The following LRP3 variants were observed in gnomAD, a reference collection of about 807,000 sequenced individuals.
LRP3 encodes LDL receptor related protein 3.
Under a neutral mutation model 58.5 loss-of-function variants are expected in LRP3, and 49 were observed. That is an observed-to-expected ratio of 0.84 (90% CI 0.67 to 1.06). The LOEUF (loss-of-function observed/expected upper bound fraction) is 1.06, where lower values mean the gene tolerates loss of function less well. Among genes scored for constraint, LRP3 ranks in the 50% least tolerant of loss-of-function variants. LRP3 has a pLI of 0.00. For synonymous variants in LRP3, 485 were observed against 492.2 expected, an observed-to-expected ratio of 0.99 and a Z score of 0.20; for missense variants, 1,019 against 1,134.2, an observed-to-expected ratio of 0.90 and a Z score of 1.46.
chr19:33,196,704 T>A (rs1323164896), intron 1 of LRP3, 26 bp from the exon 2 acceptor site: 1 of 1,613,334 alleles, frequency 6.2e-7, no homozygotes, highest in Non-Finnish European at 8.5e-7. Context: ...GTGGGACCCC[T>A]GACCCTTTCT....
In LRP3 at chr19:33,206,258, G is replaced by T. The variant is rs1409362008; in HGVS notation, c.1488G>T (p.Lys496Asn). The change falls in exon 5 of 7, where the codon AAG (lysine) becomes AAT (asparagine). Residue 496 changes from lysine to asparagine, a missense_variant. By Grantham distance (94) the Lys-to-Asn change is moderately conservative. Coordinates refer to ENST00000253193, the MANE Select transcript of LRP3 (RefSeq NM_002333.4). ...EHGCLAAVPR[K>N]VITAALIGSL... is the part of the protein sequence containing the mutation. ...GGTGCCTGGCCGCCGTGCCCCGCAA[G>T]GTCATCACGGCGGCGCTCATTGGCA... The T allele has an allele frequency of 1.3e-6, 2 of 1,598,740 alleles. No individual in the cohort carries two copies. The highest frequency in any genetic ancestry group is 2.2e-5 in the East Asian group (1 of 44,472).
chr19:33,206,582 C>G lies in LRP3; in HGVS notation c.1593-19C>G. On this transcript the variant is annotated intron_variant, in intron 5 of 6. Coordinates refer to ENST00000253193, the MANE Select transcript of LRP3 (RefSeq NM_002333.4). ...TCCCGGGCAGCCCAGTCATGTCGCC[C>G]TCCGCCCACTGCTTCTAGGGCCTTC... 2 of 1,604,540 alleles carry G rather than the reference C, an allele frequency of 1.2e-6. No homozygotes were observed. The highest frequency in any genetic ancestry group is 8.5e-7 in the Non-Finnish European group (1 of 1,175,054).
At chr19:33,206,908 G>T (rs1362585765) in intron 6 of LRP3, 80 bp from the exon 7 acceptor site, 2 of 1,227,882 alleles carry the variant, frequency 1.6e-6, no homozygotes, top group South Asian at 1.6e-5. Context: ...TCCCTTGGGG[G>T]TGTGCTGTCT....
chr19:33,207,681 G>A lies in LRP3; in HGVS notation c.*106G>A. 1.1e-6 allele frequency: 1 copy of A among 912,330 alleles called. No homozygotes were observed. Among genetic ancestry groups the A allele is most frequent in the South Asian group, 1.6e-5 (1 of 63,864 alleles). 56.5% of individuals were successfully genotyped at this position (912,330 alleles called of 1,614,324 possible). A position where few individuals can be genotyped will look rare whatever the true frequency, so the allele number is the denominator to read the frequency against. ...CTTTCTTATGGAGAGGCCCTCCGGG[G>A]ACCCCAGCGGAGGGGCTGGCCCCTA... On this transcript the variant is annotated 3_prime_UTR_variant, in exon 7 of 7. Transcript: ENST00000253193.
At position 33,201,315 on chromosome 19, in the gene LRP3, G is replaced by A. The variant is rs143693698; in HGVS notation, c.122-1533G>A. 3.9e-4 allele frequency among the ~76,000 whole-genome samples: 60 copies of A among 152,302 alleles called. No individual in the cohort carries two copies. The East Asian group carries it at 4.5e-3, about 11-fold the overall frequency. On this transcript the variant is annotated intron_variant, in intron 2 of 6. Transcript: ENST00000253193. ...GCTAGGGGTGGAAGCTGAGGAGTCC[G>A]TGAATGGGATAAGAAGGTGGGGATA...
At position 33,202,867 on chromosome 19, in the gene LRP3, G is replaced by A. The variant is rs1474630430; in HGVS notation, c.141G>A (p.Leu47=). The stretch of plus-strand genomic sequence containing the variant: ...CGACAGCGGCCTGCAGTGGGAAGCT[G>A]GAGCAGCACACGGAGCGGCGTGGGG... The part of the protein sequence containing the change: ...VPALAACSGK[L]EQHTERRGVI... Residue 47 remains leucine, a synonymous_variant, in exon 3 of 7, where the codon CTG becomes CTA. Coordinates refer to ENST00000253193, the MANE Select transcript of LRP3 (RefSeq NM_002333.4). 6.2e-7 allele frequency: 1 copy of A among 1,610,714 alleles called. No homozygotes were observed. The highest frequency in any genetic ancestry group is 8.5e-7 in the Non-Finnish European group (1 of 1,178,586).
intron 2 of LRP3, among the ~76,000 whole-genome samples, chr19:33,197,301 G>A (rs1026087119): frequency 7.9e-5 from 12 of 152,154 alleles, no homozygotes; most frequent in African/African-American, 2.9e-4. Flanking sequence ...GAAGAAAGGT[G>A]TAAGTTAGAA....
At chr19:33,196,653 G>A (rs762831223) in intron 1 of LRP3, 77 bp from the exon 2 acceptor site, 14 of 1,347,174 alleles carry the variant, frequency 1.0e-5, no homozygotes, top group Non-Finnish European at 1.5e-5. Context: ...GGGTTTAGCT[G>A]TGGTGTCCCT....
At chr19:33,205,061 G>T (rs1974385342) in intron 4 of LRP3, 185 bp from the exon 5 acceptor site, 3 of 767,008 alleles carry the variant, frequency 3.9e-6, no homozygotes, top group Admixed American at 2.7e-5. Flanking sequence ...CCCAGTCTTG[G>T]CTAGTCCTGG....
Position 33,202,829 on chromosome 19 carries a change from C to T in LRP3, c.122-19C>T, listed in dbSNP as rs779951871. 11 of 1,594,214 alleles carry T rather than the reference C, an allele frequency of 6.9e-6. No homozygotes were observed. Among genetic ancestry groups the T allele is most frequent in the Middle Eastern group, 1.8e-4 (1 of 5,684 alleles). On this transcript the variant is annotated intron_variant, in intron 2 of 6. Transcript: ENST00000253193. ...CAACCAAAGATGGGCCGGCCTTTCT[C>T]GGCCTCCTCTCCCGACAGCGGCCTG...
At chr19:33,196,096 G>A (rs1974282627) in intron 1 of LRP3, among the ~76,000 whole-genome samples, 1 of 152,172 alleles carries the variant, frequency 6.6e-6, no homozygotes, top group African/African-American at 2.4e-5. Context: ...GGGTGGCTGG[G>A]GAGTTCTGCT....
chr19:33,207,450 G>C lies in LRP3; in HGVS notation c.2188G>C (p.Val730Leu), dbSNP rs1974436014. 6.3e-7 allele frequency: 1 copy of C among 1,598,620 alleles called. No homozygotes were observed. Among genetic ancestry groups the C allele is most frequent in the Non-Finnish European group, 8.5e-7 (1 of 1,176,740 alleles). The change falls in exon 7 of 7, where the codon GTC becomes CTC. Residue 730 changes from valine to leucine, a missense_variant. By Grantham distance (32) the Val-to-Leu change is conservative (BLOSUM62 1). This residue lies in a region of LRP3 where 427 missense variants were observed against 408.6 expected (regional missense o/e 1.04). Coordinates refer to ENST00000253193, the MANE Select transcript of LRP3 (RefSeq NM_002333.4). ...CTCAGCCCAGGACCCGCACCCCCAG[G>C]TCTCCACTGCCAGCAGCACCCTGGG... The part of the protein sequence containing the change: ...PCSAQDPHPQ[V>L]STASSTLGPH...
In LRP3 at chr19:33,205,315, C is replaced by A. The variant is rs199999241; in HGVS notation, c.545C>A (p.Pro182Gln). ...RCDNGKCLPGPWQCNTVDECG... is the reference protein window; with the variant it reads ...RCDNGKCLPGQWQCNTVDECG... ...GACAACGGCAAGTGCCTGCCCGGCC[C>A]GTGGCAGTGCAACACGGTGGACGAG... Residue 182 changes from proline (P) to glutamine (Q), a missense_variant, in exon 5 of 7, where the codon CCG becomes CAG. Pro to Gln is a moderately conservative substitution (Grantham distance 76, BLOSUM62 -1). Transcript: ENST00000253193. The A allele has an allele frequency of 3.7e-6, 6 of 1,612,026 alleles. No individual in the cohort carries two copies. The highest frequency in any genetic ancestry group is 2.5e-6 in the Non-Finnish European group (3 of 1,179,604).
chr19:33,206,903 TG>T, intron 6 of LRP3, 84 bp from the exon 7 acceptor site: 3 of 1,226,386 alleles, frequency 2.4e-6, no homozygotes. Context: ...TCAGGTCCCT[TG>T]GGGGTGTGCT....
Position 33,207,396 on chromosome 19 carries a change from G to T in LRP3, c.2134G>T (p.Ala712Ser). 1 of 1,587,220 alleles carries T rather than the reference G, an allele frequency of 6.3e-7. No homozygotes were observed. The highest frequency in any genetic ancestry group is 8.5e-7 in the Non-Finnish European group (1 of 1,172,216). Residue 712 changes from alanine to serine, a missense_variant, in exon 7 of 7, where the codon GCT (alanine) becomes TCT (serine). Ala to Ser is a moderately conservative substitution (Grantham distance 99, BLOSUM62 1). Transcript: ENST00000253193. ...CAGGGAGCCACTGGTAGACGGCCCA[G>T]CTCCTGCAGATGCACCTCGGGAGCC... The part of the protein sequence containing the change: ...VCREPLVDGP[A>S]PADAPREPCS...
chr19:33,205,898 G>A lies in LRP3; in HGVS notation c.1128G>A (p.Gly376=). 2 of 1,606,984 alleles carry A rather than the reference G, an allele frequency of 1.2e-6. No individual in the cohort carries two copies. Among genetic ancestry groups the A allele is most frequent in the East Asian group, 2.2e-5 (1 of 44,638 alleles). ...GCCTCCCCTGGGAGCAGCCGTGCGG[G>A]AGCAGTAGTGACAGTGACGGGGGCA... The part of the protein sequence containing the change: ...GYCLPWEQPC[G]SSSDSDGGSL... The change falls in exon 5 of 7, where the codon GGG becomes GGA. Residue 376 remains glycine (G), a synonymous_variant. Coordinates refer to ENST00000253193, the MANE Select transcript of LRP3 (RefSeq NM_002333.4).
chr19:33,206,590 A>C lies in LRP3; in HGVS notation c.1593-11A>C. 1 of 1,606,260 alleles carries C rather than the reference A, an allele frequency of 6.2e-7. No individual in the cohort carries two copies. Among genetic ancestry groups the C allele is most frequent in the Non-Finnish European group, 8.5e-7 (1 of 1,175,910 alleles). On this transcript the variant is annotated splice_polypyrimidine_tract_variant and intron_variant, in intron 5 of 6. Coordinates refer to ENST00000253193, the MANE Select transcript of LRP3 (RefSeq NM_002333.4). ...AGCCCAGTCATGTCGCCCTCCGCCC[A>C]CTGCTTCTAGGGCCTTCGAGACCCA...
chr19:33,198,200 A>G (rs891329946), intron 2 of LRP3, among the ~76,000 whole-genome samples: 1 of 152,178 alleles, frequency 6.6e-6, no homozygotes, highest in Non-Finnish European at 1.5e-5. Context: ...CCACTTTCAG[A>G]AAAGTGCTTC....
At chr19:33,197,664 C>T (rs1016017164) in intron 2 of LRP3, among the ~76,000 whole-genome samples, 1 of 152,062 alleles carries the variant, frequency 6.6e-6, no homozygotes, top group Admixed American at 6.6e-5. Context: ...AGGTGCAGCC[C>T]GGGAGAACAA....
Sources: gnomAD v4.1 joint callset for allele counts (sites outside exome capture counted in the v4.1 genomes callset) on GRCh38, gnomAD v4.1.1 for gene constraint, gnomAD v4.1.1 regional missense constraint, MANE v1.5 for transcripts, NCBI Gene and HGNC (gene_info 2026-07-23, HGNC 2026-07-21) for gene names.